Variants in MLLT10 observed in about 807,000 individuals in gnomAD.
The protein encoded by MLLT10 is protein AF-10.
In MLLT10, 30 loss-of-function variants were observed where a neutral mutation model predicts 129.1. The ratio of observed to expected loss-of-function variants is 0.23; its 90% CI spans 0.17 to 0.32. The LOEUF is 0.32. Ranked by LOEUF, MLLT10 falls within the 10% of genes least tolerant of loss-of-function variation. The pLI is 1.00. For synonymous variants in MLLT10, 490 were observed against 446.4 expected (o/e 1.10, Z -1.23); for missense variants, 1,119 against 1,268.3 (o/e 0.88, Z 1.79).
At chr10:21,621,006 A>G (rs1397293648) in intron 8 of MLLT10, among the ~76,000 whole-genome samples, 5 of 148,774 alleles carry the variant, frequency 3.4e-5, no homozygotes, top group African/African-American at 1.2e-4. Flanking sequence ...TTTTCCTGAG[A>G]CGGAGTCTTG....
intron 5 of MLLT10, among the ~76,000 whole-genome samples, chr10:21,608,712 G>A (rs1184944488): frequency 3.3e-5 from 5 of 151,850 alleles, no homozygotes; most frequent in South Asian, 2.1e-4. Flanking sequence ...GGAAAAAACC[G>A]TCCGTTAGGT....
At chr10:21,661,262 A>G (rs1176749893) in intron 9 of MLLT10, among the ~76,000 whole-genome samples, 1 of 152,204 alleles carries the variant, frequency 6.6e-6, no homozygotes, top group African/African-American at 2.4e-5. Context: ...AGAATAGAAG[A>G]ATGTGTCATC....
chr10:21,671,226 A>C (rs920841422), intron 10 of MLLT10, among the ~76,000 whole-genome samples: 5 of 152,206 alleles, frequency 3.3e-5, no homozygotes, highest in African/African-American at 1.2e-4. Context: ...CATGTTGGCC[A>C]GGCTGGTCTC....
At chr10:21,668,807 T>C in intron 9 of MLLT10, 3 of 592,576 alleles carry the variant, frequency 5.1e-6, no homozygotes. Context: ...GTATTTCCAT[T>C]TGTAGTACTC....
chr10:21,535,212 C>G (rs1246125542), intron 2 of MLLT10, among the ~76,000 whole-genome samples: 2 of 152,086 alleles, frequency 1.3e-5, no homozygotes, highest in Non-Finnish European at 2.9e-5. Flanking sequence ...GCGCCCTCTT[C>G]TCCCCTGGCC....
chr10:21,571,682 T>C (rs2040220020), intron 3 of MLLT10, among the ~76,000 whole-genome samples: 1 of 152,254 alleles, frequency 6.6e-6, no homozygotes. Context: ...TAATTTACTT[T>C]TTCATGATAA....
At chr10:21,556,606 A>G (rs768967609) in intron 3 of MLLT10, 20 of 1,529,102 alleles carry the variant, frequency 1.3e-5, no homozygotes, top group Non-Finnish European at 1.8e-5. Flanking sequence ...ACGCGTTAGT[A>G]TGTAGTGAAT....
At chr10:21,582,466 T>C (rs1345554289) in intron 3 of MLLT10, among the ~76,000 whole-genome samples, 1 of 152,174 alleles carries the variant, frequency 6.6e-6, no homozygotes, top group African/African-American at 2.4e-5. Context: ...GCCTAATTTA[T>C]AAATTAAACT....
intron 3 of MLLT10, among the ~76,000 whole-genome samples, chr10:21,578,776 T>C (rs958771605): frequency 1.3e-5 from 2 of 152,220 alleles, no homozygotes; most frequent in African/African-American, 4.8e-5. Context: ...TATACAAAGC[T>C]TGTAAGTTGT....
In MLLT10 at chr10:21,713,798, G is replaced by A. The variant is rs1315970589; in HGVS notation, c.1726G>A (p.Val576Ile). The A allele has an allele frequency of 1.2e-5, 19 of 1,613,232 alleles. No individual in the cohort carries two copies. Among genetic ancestry groups the A allele is most frequent in the Non-Finnish European group, 1.5e-5 (18 of 1,179,652 alleles). ...TATTTATAACAGCAATGATGTAGCA[G>A]TATCGTTTCCAAATGTAGTATCTGG... ...NGIYNSNDVA[V>I]SFPNVVSGSG... The change falls in exon 14 of 23, where the codon GTA (valine) becomes ATA (isoleucine). Residue 576 changes from valine to isoleucine, a missense_variant. This residue lies in a region of MLLT10 where 1,004 missense variants were observed against 1,008.7 expected (regional missense o/e 1.00). Coordinates refer to ENST00000307729, the MANE Select transcript of MLLT10 (RefSeq NM_001195626.3).
intron 8 of MLLT10, among the ~76,000 whole-genome samples, chr10:21,630,258 A>G (rs1284511929): frequency 6.6e-6 from 1 of 152,208 alleles, no homozygotes; most frequent in Non-Finnish European, 1.5e-5. Context: ...GGAACTAGGG[A>G]AGGGCTGGAA....
chr10:21,564,009 T>G (rs1244745731), intron 3 of MLLT10, among the ~76,000 whole-genome samples: 12 of 152,106 alleles, frequency 7.9e-5, no homozygotes, highest in Non-Finnish European at 1.5e-5. Flanking sequence ...AGACGGGGTT[T>G]CACCGTCTTA....
intron 5 of MLLT10, among the ~76,000 whole-genome samples, chr10:21,612,023 T>C (rs1283414270): frequency 6.6e-6 from 1 of 152,066 alleles, no homozygotes; most frequent in Non-Finnish European, 1.5e-5. Flanking sequence ...GATGACAAGG[T>C]GTTGGGAAGA....
At chr10:21,573,728 G>A (rs1396267428) in intron 3 of MLLT10, among the ~76,000 whole-genome samples, 4 of 151,672 alleles carry the variant, frequency 2.6e-5, no homozygotes, top group Admixed American at 6.6e-5. Flanking sequence ...CACCATGCCC[G>A]GCTAATTTTT....
At chr10:21,734,241 CT>C (rs2058178336) in intron 20 of MLLT10, 112 bp downstream of exon 20, 1 of 1,317,998 alleles carries the variant, frequency 7.6e-7, no homozygotes, top group Non-Finnish European at 1.0e-6. Flanking sequence ...CTTAAGAAGT[CT>C]GCCAAAAATT....
At position 21,591,370 on chromosome 10, in the gene MLLT10, G is replaced by A. The variant is rs944299357; in HGVS notation, c.296-3961G>A. 1.1e-4 allele frequency among the ~76,000 whole-genome samples: 16 copies of A among 152,246 alleles called. No individual in the cohort carries two copies. In the East Asian group the frequency reaches 2.1e-3, roughly 20 times the overall value. On this transcript the variant is annotated intron_variant, in intron 4 of 22. Transcript: ENST00000307729. ...TAAATTTCATATTTGTTGCCATTCC[G>A]TTCAAGACATTTTCCAGTTTCCCTT...
At chr10:21,564,122 A>AT (rs916712595) in intron 3 of MLLT10, among the ~76,000 whole-genome samples, 42 of 150,456 alleles carry the variant, frequency 2.8e-4, no homozygotes, top group Non-Finnish European at 4.4e-4. Flanking sequence ...TATTATTATT[A>AT]TTTTTTTTTG....
At chr10:21,552,111 C>T (rs886592505) in intron 3 of MLLT10, among the ~76,000 whole-genome samples, 19 of 151,900 alleles carry the variant, frequency 1.3e-4, no homozygotes, top group South Asian at 2.1e-4. Context: ...ATTTTTTGTA[C>T]GGATGGGGTC....
At chr10:21,580,592 G>A (rs2041303638) in intron 3 of MLLT10, among the ~76,000 whole-genome samples, 2 of 151,922 alleles carry the variant, frequency 1.3e-5, no homozygotes, top group East Asian at 1.9e-4. Context: ...GGGTTTCACT[G>A]TGTTAGCCAG....
Sources: gnomAD v4.1 joint callset for allele counts (sites outside exome capture counted in the v4.1 genomes callset) on GRCh38, gnomAD v4.1.1 for gene constraint, gnomAD v4.1.1 regional missense constraint, MANE v1.5 for transcripts, NCBI Gene and HGNC (gene_info 2026-07-23, HGNC 2026-07-21) for gene names.